Variants in POTEF observed in about 807,000 individuals in gnomAD.
POTEF encodes the protein ANKRD26-like family C member 1B.
Under a neutral mutation model 83.2 loss-of-function variants are expected in POTEF, and 20 were observed. The ratio of observed to expected loss-of-function variants is 0.24; its 90% CI spans 0.17 to 0.35. The LOEUF (loss-of-function observed/expected upper bound fraction) is 0.35. POTEF is among the 10% of genes least tolerant of loss of function. The pLI is 1.00. For missense variants in POTEF, 550 were observed against 1,203.2 expected, an observed-to-expected ratio of 0.46 and a Z score of 8.03; for synonymous variants, 196 against 446.4, an observed-to-expected ratio of 0.44 and a Z score of 7.07.
chr2:130,125,382 A>G (rs960316918), intron 2 of POTEF, among the ~76,000 whole-genome samples: 3 of 149,660 alleles, frequency 2.0e-5, no homozygotes. Context: ...TCTTCCATGT[A>G]TCAACGGTAT....
chr2:130,127,998 T>C (rs1685140772), intron 1 of POTEF, 134 bp from the exon 2 acceptor site: 1 of 127,306 alleles, frequency 7.9e-6, no homozygotes, highest in Admixed American at 8.5e-5. Flanking sequence ...TGGCAAAAGG[T>C]GGCCAGGAAC....
At chr2:130,105,968 T>C (rs1392393306) in intron 8 of POTEF, among the ~76,000 whole-genome samples, 1 of 151,036 alleles carries the variant, frequency 6.6e-6, no homozygotes, top group Non-Finnish European at 1.5e-5. Flanking sequence ...GGAATGAGCA[T>C]GTGGTGTGAC....
intron 6 of POTEF, among the ~76,000 whole-genome samples, chr2:130,111,626 G>C (rs1684712507): frequency 6.6e-6 from 1 of 151,290 alleles, no homozygotes; most frequent in Admixed American, 6.6e-5. Context: ...TAATGGAAAA[G>C]CATGTAAGAC....
chr2:130,119,520 A>C (rs977864136), intron 3 of POTEF, among the ~76,000 whole-genome samples: 3 of 150,398 alleles, frequency 2.0e-5, no homozygotes, highest in African/African-American at 7.4e-5. Flanking sequence ...CCATCTTCCC[A>C]TTTCAGTTTC....
chr2:130,103,314 T>C (rs1684424925), intron 8 of POTEF, among the ~76,000 whole-genome samples: 1 of 150,544 alleles, frequency 6.6e-6, no homozygotes, highest in South Asian at 2.1e-4. Context: ...TTGGCCATGA[T>C]GGTCCTGATC....
intron 3 of POTEF, among the ~76,000 whole-genome samples, chr2:130,118,844 AC>A (rs1441815223): frequency 1.2e-4 from 18 of 151,612 alleles, no homozygotes; most frequent in Admixed American, 1.2e-3. Context: ...TTTTCTCCAA[AC>A]ATGAATTATG....
rs773854797 is a variant in POTEF, at chr2:130,120,180, G to A, written c.336C>T (p.Ser112=). 28 of 1,595,540 alleles carry A rather than the reference G, an allele frequency of 1.8e-5. No individual in the cohort carries two copies. Among genetic ancestry groups the A allele is most frequent in the Admixed American group, 9.0e-5 (5 of 55,778 alleles). The part of the protein sequence containing the change: ...CCHCFPCCRG[S]SKSKVGAWGD... The stretch of plus-strand genomic sequence containing the variant: ...CCCAAGCGCCCACCTTGCTCTTGCT[G>A]CTCCCCCTGCAGCAGGGGAAGCAGT... Residue 112 remains serine (S), a synonymous_variant, in exon 3 of 17, where the codon AGC becomes AGT. Coordinates refer to ENST00000409914, the MANE Select transcript of POTEF (RefSeq NM_001099771.2).
intron 3 of POTEF, among the ~76,000 whole-genome samples, chr2:130,119,257 G>C (rs1160936905): frequency 6.6e-6 from 1 of 150,576 alleles, no homozygotes; most frequent in Non-Finnish European, 1.5e-5. Context: ...TCCACCTCCC[G>C]GGTTCACGCC....
chr2:130,096,356 G>GA (rs1684234372), intron 11 of POTEF, among the ~76,000 whole-genome samples: 1 of 79,590 alleles, frequency 1.3e-5, no homozygotes, highest in African/African-American at 5.1e-5. Context: ...AAGATTTACT[G>GA]AAAGATTAGA....
intron 5 of POTEF, among the ~76,000 whole-genome samples, chr2:130,112,784 A>G (rs1460606105): frequency 6.7e-6 from 1 of 149,496 alleles, no homozygotes; most frequent in Non-Finnish European, 1.5e-5. Flanking sequence ...CATACTTAAG[A>G]GACACACTGG....
At chr2:130,122,766 G>C (rs1685025641) in intron 2 of POTEF, among the ~76,000 whole-genome samples, 1 of 150,178 alleles carries the variant, frequency 6.7e-6, no homozygotes, top group Admixed American at 6.6e-5. Flanking sequence ...ATTACTCCTT[G>C]CTCTTTGATT....
At chr2:130,112,719 T>C (rs1684745142) in intron 5 of POTEF, among the ~76,000 whole-genome samples, 1 of 144,706 alleles carries the variant, frequency 6.9e-6, no homozygotes, top group Non-Finnish European at 1.5e-5. Context: ...GTATTCTTAA[T>C]AACTCCATGG....
intron 5 of POTEF, among the ~76,000 whole-genome samples, chr2:130,113,423 T>G (rs1684763954): frequency 7.1e-6 from 1 of 140,892 alleles, no homozygotes; most frequent in African/African-American, 2.7e-5. Context: ...CTTCTAGAGA[T>G]ACCTTAAGTT....
chr2:130,113,140 G>A (rs1302211095), intron 5 of POTEF, among the ~76,000 whole-genome samples: 2 of 133,994 alleles, frequency 1.5e-5, no homozygotes, highest in Non-Finnish European at 3.1e-5. Context: ...CTAGCATTTG[G>A]GGAGGCTGAG....
chr2:130,123,563 T>C (rs1209625638), intron 2 of POTEF, among the ~76,000 whole-genome samples: 1 of 151,948 alleles, frequency 6.6e-6, no homozygotes, highest in Admixed American at 6.5e-5. Context: ...TTTCATTGTA[T>C]ATTCTGTAAG....
intron 2 of POTEF, among the ~76,000 whole-genome samples, chr2:130,123,612 AATT>A (rs1331531578): frequency 6.6e-6 from 1 of 151,870 alleles, no homozygotes; most frequent in Admixed American, 6.6e-5. Context: ...AATATCTCAT[AATT>A]ATATTTATTT....
At chr2:130,116,970 T>G (rs1292539350) in intron 3 of POTEF, among the ~76,000 whole-genome samples, 10 of 138,534 alleles carry the variant, frequency 7.2e-5, no homozygotes, top group South Asian at 2.3e-4. Context: ...TGAGAGATAG[T>G]AGAATATGCC....
chr2:130,117,561 C>T (rs1397078044), intron 3 of POTEF, among the ~76,000 whole-genome samples: 2 of 152,116 alleles, frequency 1.3e-5, no homozygotes, highest in Middle Eastern at 3.4e-3. Flanking sequence ...TATGTGTAAC[C>T]GATTTTTTTT....
intron 8 of POTEF, 25 bp downstream of exon 8, chr2:130,107,984 A>G (rs1235489082): frequency 1.9e-6 from 3 of 1,608,800 alleles, no homozygotes; most frequent in Non-Finnish European, 1.7e-6. Context: ...AACTGACTAA[A>G]GTAATTCACT....
Sources: allele counts gnomAD v4.1 joint callset (sites outside exome capture counted in the v4.1 genomes callset), GRCh38; gene constraint gnomAD v4.1.1; transcripts MANE v1.5; gene names NCBI Gene and HGNC (gene_info 2026-07-23, HGNC 2026-07-21).